The following PDE4D variants were observed in gnomAD, a reference collection of about 807,000 sequenced individuals.
PDE4D encodes 3',5'-cyclic-AMP phosphodiesterase 4D.
A neutral mutation model predicts 87.4 loss-of-function variants in PDE4D; 24 were observed. The ratio of observed to expected loss-of-function variants is 0.27; its 90% confidence interval spans 0.20 to 0.39. The LOEUF (loss-of-function observed/expected upper bound fraction) is 0.39. Among genes scored for constraint, PDE4D ranks in the 10% least tolerant of loss-of-function variants. The pLI is 1.00. For missense variants in PDE4D, 714 were observed against 1,041.0 expected, an observed-to-expected ratio of 0.69 and a Z score of 4.32; for synonymous variants, 384 against 383.2, an observed-to-expected ratio of 1.00 and a Z score of -0.02.
At position 60,118,611 on chromosome 5, in the gene PDE4D, C is replaced by A. The variant is rs1373658027; in HGVS notation, c.42+66946G>T. Among the ~76,000 whole-genome samples, 3 of 144,040 alleles carry A rather than the reference C, an allele frequency of 2.1e-5. No homozygotes were observed. In the Middle Eastern group the frequency reaches 0.011, roughly 514 times the overall value. 94.5% of individuals were successfully genotyped at this position (144,040 alleles called of 152,430 possible). A position where few individuals can be genotyped will look rare whatever the true frequency, so the allele number is the denominator to read the frequency against. On this transcript the variant is annotated intron_variant, in intron 2 of 16. Coordinates refer to the PDE4D transcript ENST00000502484. Reference sequence around the variant, plus strand: ...TGTGTGTGTGTTTACTGAGAATCTGCAATAAATAAATAAATAAAACATGTG... The same window carrying A: ...TGTGTGTGTGTTTACTGAGAATCTGAAATAAATAAATAAATAAAACATGTG...
intron 1 of PDE4D, among the ~76,000 whole-genome samples, chr5:60,493,892 AC>A (rs1749670525): frequency 6.6e-6 from 1 of 152,208 alleles, no homozygotes; most frequent in South Asian, 2.1e-4. Context: ...ATGAACCAGT[AC>A]CACTTACCAC....
At chr5:60,376,501 C>T (rs1187954180) in intron 1 of PDE4D, among the ~76,000 whole-genome samples, 1 of 152,206 alleles carries the variant, frequency 6.6e-6, no homozygotes, top group East Asian at 1.9e-4. Flanking sequence ...ACGCATCCCA[C>T]ACTTCAATCT....
chr5:59,299,659 A>G (rs950984686), intron 1 of PDE4D, among the ~76,000 whole-genome samples: 2 of 152,228 alleles, frequency 1.3e-5, no homozygotes, highest in Admixed American at 1.3e-4. Flanking sequence ...TATGGAAACA[A>G]TGCCATTTCA....
intron 5 of PDE4D, among the ~76,000 whole-genome samples, chr5:59,137,589 A>T (rs370629544): frequency 6.7e-6 from 1 of 148,922 alleles, no homozygotes; most frequent in Non-Finnish European, 1.5e-5. Flanking sequence ...TGCAGTGGCG[A>T]GATCTCAGCT....
At chr5:60,345,405 C>A (rs573052044) in intron 1 of PDE4D, among the ~76,000 whole-genome samples, 6 of 151,418 alleles carry the variant, frequency 4.0e-5, no homozygotes, top group Non-Finnish European at 8.8e-5. Flanking sequence ...ATGTAACAAA[C>A]CTGCATGTTG....
chr5:59,553,875 T>A (rs1292153017), intron 1 of PDE4D, among the ~76,000 whole-genome samples: 1 of 152,176 alleles, frequency 6.6e-6, no homozygotes, highest in Non-Finnish European at 1.5e-5. Context: ...ACCTTCCCTC[T>A]AGCAGCCCCT....
intron 1 of PDE4D, among the ~76,000 whole-genome samples, chr5:60,515,372 A>G (rs1184039415): frequency 6.6e-6 from 1 of 152,150 alleles, no homozygotes. Flanking sequence ...TATAATAAAT[A>G]GTCTTTCTAT....
intron 1 of PDE4D, among the ~76,000 whole-genome samples, chr5:59,313,735 C>G (rs139423171): frequency 1.1e-3 from 168 of 152,252 alleles, no homozygotes; most frequent in African/African-American, 3.8e-3. Context: ...GTACTGCTGG[C>G]TCCAGACCCT....
chr5:60,064,435 A>C, intron 2 of PDE4D, among the ~76,000 whole-genome samples: 1 of 152,138 alleles, frequency 6.6e-6, no homozygotes, highest in East Asian at 1.9e-4. Flanking sequence ...GTATAACTAC[A>C]TCTCATACTC....
intron 2 of PDE4D, among the ~76,000 whole-genome samples, chr5:60,134,652 T>C (rs1350122000): frequency 6.6e-6 from 1 of 152,210 alleles, no homozygotes; most frequent in Non-Finnish European, 1.5e-5. Flanking sequence ...CTATAACCCA[T>C]TCACATCCTC....
intron 1 of PDE4D, among the ~76,000 whole-genome samples, chr5:59,277,627 C>T (rs1765069441): frequency 6.6e-6 from 1 of 152,142 alleles, no homozygotes; most frequent in African/African-American, 2.4e-5. Context: ...TACCAAATAG[C>T]TTCCAGTTGC....
At position 60,413,712 on chromosome 5, in the gene PDE4D, T is replaced by TTTC. The variant is rs1195927435; in HGVS notation, c.-90+74229_-90+74230insGAA. 8.0e-3 allele frequency among the ~76,000 whole-genome samples: 1,016 copies of TTTC among 127,246 alleles called. 18 individuals are homozygous for TTTC. The highest frequency in any genetic ancestry group is 0.033 in the African/African-American group (938 of 28,170). 83.5% of individuals were successfully genotyped at this position (127,246 alleles called of 152,430 possible). Reference sequence around the variant, plus strand: ...TTTTAATTTTGAATTTCTTTTTTCGTTTATTTTTTTTTTTTTTGGAAAAAC... The same window carrying TTTC: ...TTTTAATTTTGAATTTCTTTTTTCGTTTCTTATTTTTTTTTTTTTTGGAAAAAC... On this transcript the variant is annotated intron_variant, in intron 1 of 16. Coordinates refer to the PDE4D transcript ENST00000502484.
At chr5:59,520,838 A>T (rs1812076986) in intron 1 of PDE4D, among the ~76,000 whole-genome samples, 2 of 152,158 alleles carry the variant, frequency 1.3e-5, no homozygotes, top group South Asian at 2.1e-4. Context: ...GCTGTTCATA[A>T]CTAATGGAAT....
intron 1 of PDE4D, among the ~76,000 whole-genome samples, chr5:59,631,588 C>A (rs1190498288): frequency 6.6e-6 from 1 of 152,016 alleles, no homozygotes; most frequent in East Asian, 1.9e-4. Context: ...GGGTGCAGCC[C>A]ACAGAGGGCA....
chr5:60,377,582 G>T (rs1239139274), intron 1 of PDE4D, among the ~76,000 whole-genome samples: 1 of 152,096 alleles, frequency 6.6e-6, no homozygotes, highest in Non-Finnish European at 1.5e-5. Context: ...TCTCATGAGT[G>T]ACCACTCAGA....
At chr5:59,572,387 ACTAT>A (rs774218158) in intron 1 of PDE4D, among the ~76,000 whole-genome samples, 19 of 152,204 alleles carry the variant, frequency 1.2e-4, no homozygotes, top group South Asian at 6.2e-4. Flanking sequence ...CTTTTCTTAT[ACTAT>A]CTATTTTATT....
chr5:60,204,802 C>A (rs1483936723), intron 1 of PDE4D, among the ~76,000 whole-genome samples: 2 of 152,138 alleles, frequency 1.3e-5, no homozygotes, highest in East Asian at 3.9e-4. Flanking sequence ...ATTAAGATGT[C>A]TATTCTACCA....
At chr5:59,802,074 A>G (rs940372272) in intron 1 of PDE4D, among the ~76,000 whole-genome samples, 1 of 152,102 alleles carries the variant, frequency 6.6e-6, no homozygotes, top group Non-Finnish European at 1.5e-5. Context: ...CCCTCTTGAA[A>G]CTCATCAGGA....
chr5:59,054,535 CA>C (rs1434684922), intron 5 of PDE4D, among the ~76,000 whole-genome samples: 3 of 151,692 alleles, frequency 2.0e-5, no homozygotes, highest in Admixed American at 6.6e-5. Context: ...ATAGTCATGG[CA>C]AAATTTGTTT....
Sources: gnomAD v4.1 joint callset for allele counts (sites outside exome capture counted in the v4.1 genomes callset) on GRCh38, gnomAD v4.1.1 for gene constraint, MANE v1.5 for transcripts, NCBI Gene and HGNC (gene_info 2026-07-23, HGNC 2026-07-21) for gene names.